Variants in CYP2S1 observed in about 807,000 individuals in gnomAD.
CYP2S1 encodes the protein cytochrome P450 2S1.
A neutral mutation model predicts 43.5 loss-of-function variants in CYP2S1; 32 were observed. That is an observed-to-expected ratio of 0.74 (90% CI 0.56 to 0.99). The LOEUF is 0.99. Among genes scored for constraint, CYP2S1 ranks in the 50% least tolerant of loss-of-function variants. The pLI is 0.00. For synonymous variants in CYP2S1, 283 were observed against 302.9 expected (o/e 0.93, Z 0.68); for missense variants, 575 against 673.9 (o/e 0.85, Z 1.62).
chr19:41,199,076 G>A (rs909598093), intron 5 of CYP2S1, among the ~76,000 whole-genome samples, 188 bp downstream of exon 5: 6 of 152,084 alleles, frequency 3.9e-5, no homozygotes, highest in African/African-American at 1.4e-4. Flanking sequence ...CCCTTTCAGG[G>A]CGTTGCTCTC....
rs532501151 is a variant in CYP2S1 at position 41,196,341 on chromosome 19, G to C, written c.344-1438G>C. On this transcript the variant is annotated intron_variant, in intron 2 of 8. Transcript: ENST00000310054. ...GGAAATCCCTGGTCATGCAGGGCCTGTGAGTCACGTCAGAGTGTTTGGGCT... is the reference window on the plus strand; with the variant it reads ...GGAAATCCCTGGTCATGCAGGGCCTCTGAGTCACGTCAGAGTGTTTGGGCT... Among the ~76,000 whole-genome samples, 7 of 152,310 alleles carry C rather than the reference G, an allele frequency of 4.6e-5. No individual in the cohort carries two copies. The South Asian group carries it at 1.5e-3, about 32-fold the overall frequency.
chr19:41,194,718 A>C lies in CYP2S1; in HGVS notation c.343+9A>C. 3 of 1,606,722 alleles carry C rather than the reference A, an allele frequency of 1.9e-6. No individual in the cohort carries two copies. Among genetic ancestry groups the C allele is most frequent in the Non-Finnish European group, 2.5e-6 (3 of 1,177,400 alleles). On this transcript the variant is annotated intron_variant, in intron 2 of 8. Coordinates refer to ENST00000310054, the MANE Select transcript of CYP2S1 (RefSeq NM_030622.8). ...GACTTTTGATGGCCATGGTAAGTCA[A>C]GGGCTGCTAGGCCCTCCGCTCACAG... is the stretch of plus-strand genomic sequence containing the variant.
intron 2 of CYP2S1, among the ~76,000 whole-genome samples, chr19:41,195,604 G>A (rs1168996686): frequency 6.6e-6 from 1 of 152,042 alleles, no homozygotes; most frequent in African/African-American, 2.4e-5. Flanking sequence ...TACCTGACCC[G>A]GCATGTTTGG....
chr19:41,193,253 C>T lies in CYP2S1; in HGVS notation c.-12C>T, dbSNP rs1303491504. On this transcript the variant is annotated 5_prime_UTR_variant, in exon 1 of 9. Transcript: ENST00000310054. ...GAGCGCCTGGGAGAGGAGAAGGAGC[C>T]GACCTGCCGAGATGGAGGCGACCGG... is the stretch of plus-strand genomic sequence containing the variant. 1 of 1,531,472 alleles carries T rather than the reference C, an allele frequency of 6.5e-7. No individual in the cohort carries two copies. The allele number at this position is 1,531,472 out of a possible 1,614,324, so 94.9% of individuals were successfully genotyped here.
Position 41,206,603 on chromosome 19 carries a change from C to A in CYP2S1, c.*115C>A, listed in dbSNP as rs1389917005. On this transcript the variant is annotated 3_prime_UTR_variant, in exon 9 of 9. Transcript: ENST00000310054. ...CACTGCAGGCAGCCACATTTACACG[C>A]CTGCAGTTGTTTTCCGGAGTCTGTC... 4 of 1,308,324 alleles carry A rather than the reference C, an allele frequency of 3.1e-6. No homozygotes were observed. Among genetic ancestry groups the A allele is most frequent in the Admixed American group, 1.7e-5 (1 of 59,610 alleles). 81.0% of individuals were successfully genotyped at this position (1,308,324 alleles called of 1,614,324 possible).
chr19:41,201,460 C>G, intron 6 of CYP2S1, 88 bp downstream of exon 6: 1 of 1,510,456 alleles, frequency 6.6e-7, no homozygotes, highest in Admixed American at 2.1e-5. Flanking sequence ...AATCCCAGCA[C>G]TTTGGGAGGC....
At position 41,203,596 on chromosome 19, in the gene CYP2S1, C is replaced by G; in HGVS notation, c.1123C>G (p.Leu375Val). Reference protein sequence around the residue: ...ALVPMGIPRTLMRTTRFRGYT... With the variant: ...ALVPMGIPRTVMRTTRFRGYT... ...GGTGCCCATGGGAATACCCCGCACC[C>G]TCATGCGGACCACCCGCTTCCGAGG... Residue 375 changes from leucine to valine, a missense_variant, in exon 7 of 9, where the codon CTC becomes GTC. Physicochemically the swap from Leu to Val is conservative, Grantham distance 32. Around this residue, in one of 2 missense-constraint regions of CYP2S1, gnomAD observed 222 missense variants for 306.3 expected, o/e 0.72. Coordinates refer to ENST00000310054, the MANE Select transcript of CYP2S1 (RefSeq NM_030622.8). The G allele has an allele frequency of 6.4e-7, 1 of 1,554,664 alleles. No homozygotes were observed. Among genetic ancestry groups the G allele is most frequent in the Non-Finnish European group, 8.7e-7 (1 of 1,149,530 alleles).
At chr19:41,203,295 GAT>G (rs1397175759) in intron 6 of CYP2S1, among the ~76,000 whole-genome samples, 153 bp from the exon 7 acceptor site, 1 of 152,096 alleles carries the variant, frequency 6.6e-6, no homozygotes, top group African/African-American at 2.4e-5. Context: ...CAACACACAA[GAT>G]GTGTGGTCTT....
rs371341164 is a variant in CYP2S1, at chr19:41,196,836, T to C, written c.344-943T>C. ...CATGGGGCACAGGACCCAGTGGGAC[T>C]CCATAAATGATGGGATGGGTGGATG... On this transcript the variant is annotated intron_variant, in intron 2 of 8. Transcript: ENST00000310054. Among the ~76,000 whole-genome samples the C allele has an allele frequency of 3.9e-5, 6 of 152,058 alleles. No homozygotes were observed. In the East Asian group the frequency reaches 1.2e-3, roughly 29 times the overall value.
At position 41,198,348 on chromosome 19, in the gene CYP2S1, C is replaced by T; in HGVS notation, c.494-114C>T. 1 of 1,368,112 alleles carries T rather than the reference C, an allele frequency of 7.3e-7. No homozygotes were observed. Among genetic ancestry groups the T allele is most frequent in the Non-Finnish European group, 1.0e-6 (1 of 990,164 alleles). The allele number at this position is 1,368,112 out of a possible 1,614,324, so 84.7% of individuals were successfully genotyped here. A position where few individuals can be genotyped will look rare whatever the true frequency, so the allele number is the denominator to read the frequency against. On this transcript the variant is annotated intron_variant, in intron 3 of 8. Coordinates refer to ENST00000310054, the MANE Select transcript of CYP2S1 (RefSeq NM_030622.8). The surrounding 1 kb of genome is among the most constrained non-coding windows in gnomAD (Gnocchi z 4.9). ...TTGCCTGTTTAGCTCTCTCCCTGCG[C>T]TGTCCATCCATCTTTCCCTGCCTCC...
chr19:41,193,666 G>T, intron 1 of CYP2S1: 1 of 855,102 alleles, frequency 1.2e-6, no homozygotes, highest in Non-Finnish European at 1.6e-6. Flanking sequence ...GGGGGACCAG[G>T]GCTAGGAGGG....
chr19:41,196,819 A>G (rs971273305), intron 2 of CYP2S1, among the ~76,000 whole-genome samples: 1 of 152,146 alleles, frequency 6.6e-6, no homozygotes, highest in South Asian at 2.1e-4. Flanking sequence ...TACATGGGGC[A>G]CAGGACCCAG....
chr19:41,194,843 C>A, intron 2 of CYP2S1, 134 bp downstream of exon 2: 1 of 1,309,824 alleles, frequency 7.6e-7, no homozygotes, highest in Non-Finnish European at 1.0e-6. Flanking sequence ...CAGCCGGGTG[C>A]AGTGGCTAGT....
chr19:41,206,169 C>G, intron 8 of CYP2S1, 70 bp downstream of exon 8: 1 of 1,604,194 alleles, frequency 6.2e-7, no homozygotes, highest in Non-Finnish European at 8.5e-7. Context: ...CAGCTGGGGG[C>G]ACCCTTCTGC....
rs1197720958 is a variant in CYP2S1 at position 41,205,362 on chromosome 19, CTTTCTTTCTTTCTTTCTT to C, written c.1165-594_1165-577del. Reference sequence around the variant, plus strand: ...TCTTTTTTTCTTTCTTTCTTTCTTTCTTTCTTTCTTTCTTTCTTTCTCTCTCTCTCTTTCTTTCTCTCT... The same window carrying C: ...TCTTTTTTTCTTTCTTTCTTTCTTTCTCTCTCTCTCTCTTTCTTTCTCTCT... On this transcript the variant is annotated intron_variant, in intron 7 of 8. Coordinates refer to ENST00000310054, the MANE Select transcript of CYP2S1 (RefSeq NM_030622.8). Among the ~76,000 whole-genome samples, 509 of 119,266 alleles carry C rather than the reference CTTTCTTTCTTTCTTTCTT, an allele frequency of 4.3e-3. 1 individual carries two copies. The highest frequency in any genetic ancestry group is 6.3e-3 in the African/African-American group (184 of 29,014). 78.2% of individuals were successfully genotyped at this position (119,266 alleles called of 152,430 possible).
At position 41,206,618 on chromosome 19, in the gene CYP2S1, C is replaced by T. The variant is rs779144545; in HGVS notation, c.*130C>T. 13 of 1,185,952 alleles carry T rather than the reference C, an allele frequency of 1.1e-5. No homozygotes were observed. Among genetic ancestry groups the T allele is most frequent in the South Asian group, 2.4e-5 (2 of 82,102 alleles). The allele number at this position is 1,185,952 out of a possible 1,614,324, so 73.5% of individuals were successfully genotyped here. A position where few individuals can be genotyped will look rare whatever the true frequency, so the allele number is the denominator to read the frequency against. ...CATTTACACGCCTGCAGTTGTTTTCCGGAGTCTGTCCCACGGCCCACACGC... is the reference window on the plus strand; with the variant it reads ...CATTTACACGCCTGCAGTTGTTTTCTGGAGTCTGTCCCACGGCCCACACGC... On this transcript the variant is annotated 3_prime_UTR_variant, in exon 9 of 9. Transcript: ENST00000310054.
chr19:41,205,443 T>TCTTTCTCTC (rs2033561711), intron 7 of CYP2S1, among the ~76,000 whole-genome samples: 1 of 105,306 alleles, frequency 9.5e-6, no homozygotes, highest in Non-Finnish European at 1.9e-5. Flanking sequence ...TTTCTTTCTT[T>TCTTTCTCTC]TCTTTTTCTT....
Position 41,203,567 on chromosome 19 carries a change from C to T in CYP2S1, c.1094C>T (p.Ala365Val), listed in dbSNP as rs765253772. 4.5e-6 allele frequency: 7 copies of T among 1,572,406 alleles called. No homozygotes were observed. The Admixed American group carries it at 7.5e-5, about 17-fold the overall frequency. Residue 365 changes from alanine (A) to valine (V), a missense_variant, in exon 7 of 9, where the codon GCG (alanine) becomes GTG (valine). Physicochemically the swap from Ala to Val is moderately conservative, Grantham distance 64. Coordinates refer to ENST00000310054, the MANE Select transcript of CYP2S1 (RefSeq NM_030622.8). ...CTGCATGAGGCGCAGCGGCTGCTGG[C>T]GCTGGTGCCCATGGGAATACCCCGC... ...AVLHEAQRLLALVPMGIPRTL... is the reference protein window; with the variant it reads ...AVLHEAQRLLVLVPMGIPRTL...
chr19:41,193,365 C>G lies in CYP2S1; in HGVS notation c.101C>G (p.Pro34Arg), dbSNP rs750706590. 1 of 1,534,366 alleles carries G rather than the reference C, an allele frequency of 6.5e-7. No individual in the cohort carries two copies. The highest frequency in any genetic ancestry group is 8.8e-7 in the Non-Finnish European group (1 of 1,139,584). The change falls in exon 1 of 9, where the codon CCC becomes CGC. Residue 34 changes from proline to arginine, a missense_variant. This residue lies in a region of CYP2S1 where 353 missense variants were observed against 367.6 expected (regional missense o/e 0.96). Transcript: ENST00000310054. ...ACCAGGGCCCGAGGCCACCTGCCCC[C>G]CGGGCCCACGCCGCTACCACTGCTG... ...SGTRARGHLP[P>R]GPTPLPLLGN...
Sources: gnomAD v4.1 joint callset for allele counts (sites outside exome capture counted in the v4.1 genomes callset) on GRCh38, gnomAD v4.1.1 for gene constraint, gnomAD v4.1.1 regional missense constraint, Gnocchi (gnomAD v3.1) non-coding constraint, MANE v1.5 for transcripts, NCBI Gene and HGNC (gene_info 2026-07-23, HGNC 2026-07-21) for gene names.